Variants in AFF2 observed in about 807,000 individuals in gnomAD.
The protein encoded by AFF2 is ALF transcription elongation factor 2.
AFF2 carries 14 observed loss-of-function variants against 76.9 expected under a neutral mutation model. That is an observed-to-expected ratio of 0.18 (90% CI 0.12 to 0.28). AFF2 has a LOEUF of 0.28. Among genes scored for constraint, AFF2 ranks in the 10% least tolerant of loss-of-function variants. AFF2 has a pLI of 1.00. For missense variants in AFF2, 868 were observed against 1,001.1 expected (o/e 0.87, Z 1.79); for synonymous variants, 398 against 366.7 (o/e 1.09, Z -0.98).
intron 1 of AFF2, among the ~76,000 whole-genome samples, chrX:148,647,146 T>C (rs782684074): frequency 1.8e-5 from 2 of 111,918 alleles, no homozygotes; most frequent in African/African-American, 3.2e-5. Flanking sequence ...CCACAGGAAG[T>C]GAGTGATAGC....
chrX:148,818,907 G>T (rs1168064419), intron 4 of AFF2, among the ~76,000 whole-genome samples: 1 of 110,975 alleles, frequency 9.0e-6, no homozygotes, highest in East Asian at 2.8e-4. Context: ...CCTTAGAGAG[G>T]TTGAAAATTG....
chrX:148,903,060 A>G (rs1157135612), intron 8 of AFF2, among the ~76,000 whole-genome samples: 1 of 110,244 alleles, frequency 9.1e-6, no homozygotes, highest in Non-Finnish European at 1.9e-5. Context: ...TTGCCTCTGT[A>G]TTCTAATTTA....
At chrX:148,655,566 C>T (rs994495253) in intron 2 of AFF2, among the ~76,000 whole-genome samples, 7 of 111,836 alleles carry the variant, frequency 6.3e-5, no homozygotes, top group Admixed American at 9.4e-5. Context: ...TGAGCCACTG[C>T]GCCTGGCCAA....
chrX:148,709,770 A>T (rs1166480450), intron 3 of AFF2, among the ~76,000 whole-genome samples: 1 of 111,728 alleles, frequency 9.0e-6, no homozygotes, highest in African/African-American at 3.3e-5. Flanking sequence ...CAAAGTTTGC[A>T]TGTTCTCTGA....
chrX:148,778,439 C>T lies in AFF2; in HGVS notation c.1042-31437C>T, dbSNP rs376051089. 3.0e-4 allele frequency among the ~76,000 whole-genome samples: 33 copies of T among 111,231 alleles called. No homozygotes were observed. In the East Asian group the frequency reaches 7.9e-3, roughly 27 times the overall value. On this transcript the variant is annotated intron_variant, in intron 3 of 20. Transcript: ENST00000370460. ...TTCAGAAGGAATGGTACCAGCTCCTCTTTGTACCTCTGGTGGAATTGGGCT... is the reference window on the plus strand; with the variant it reads ...TTCAGAAGGAATGGTACCAGCTCCTTTTTGTACCTCTGGTGGAATTGGGCT...
At chrX:148,855,092 T>C (rs897145795) in intron 7 of AFF2, among the ~76,000 whole-genome samples, 1 of 111,531 alleles carries the variant, frequency 9.0e-6, no homozygotes, top group Non-Finnish European at 1.9e-5. Context: ...TATCAAGTAG[T>C]TGGGACTGAG....
chrX:148,830,597 C>T lies in AFF2; in HGVS notation c.1087-7050C>T, dbSNP rs1416042679. On this transcript the variant is annotated intron_variant, in intron 4 of 20. Coordinates refer to ENST00000370460, the MANE Select transcript of AFF2 (RefSeq NM_002025.4). ...TCACATGTCGGCAGGTTCCGTGATG[C>T]CCCCCAAACTGCAAAACCAGCAAGT... Among the ~76,000 whole-genome samples, 7 of 111,455 alleles carry T rather than the reference C, an allele frequency of 6.3e-5. No individual in the cohort carries two copies. In the Admixed American group the frequency reaches 6.7e-4, roughly 11 times the overall value.
chrX:148,693,538 T>C (rs1392948770), intron 3 of AFF2, among the ~76,000 whole-genome samples: 9 of 112,079 alleles, frequency 8.0e-5, no homozygotes, highest in Non-Finnish European at 1.7e-4. Context: ...GCTTATGATT[T>C]CCCATGTCTA....
rs1185500064 is a variant in AFF2, at chrX:148,991,998, T to G, written c.*666T>G. ...TTCCTGATTCCCTATTTTGTTAATTTTAATGATAAGAAGAAAGGGTGACAT... is the reference window on the plus strand; with the variant it reads ...TTCCTGATTCCCTATTTTGTTAATTGTAATGATAAGAAGAAAGGGTGACAT... On this transcript the variant is annotated 3_prime_UTR_variant, in exon 21 of 21. Transcript: ENST00000370460. 1 of 112,316 alleles carries G rather than the reference T, an allele frequency of 8.9e-6. No individual in the cohort carries two copies. 9.3% of individuals were successfully genotyped at this position (112,316 alleles called of 1,213,427 possible). A position where few individuals can be genotyped will look rare whatever the true frequency, so the allele number is the denominator to read the frequency against.
At chrX:148,772,881 T>C (rs1356659487) in intron 3 of AFF2, among the ~76,000 whole-genome samples, 2 of 110,983 alleles carry the variant, frequency 1.8e-5, no homozygotes, top group African/African-American at 6.5e-5. Context: ...AGCATAATCA[T>C]TTTTGTTTAA....
intron 1 of AFF2, among the ~76,000 whole-genome samples, chrX:148,593,808 T>C (rs1488102482): frequency 8.9e-6 from 1 of 111,893 alleles, no homozygotes; most frequent in African/African-American, 3.3e-5. Flanking sequence ...AGTACTGTAG[T>C]TATCTCCATT....
At chrX:148,646,728 A>G (rs1228832621) in intron 1 of AFF2, among the ~76,000 whole-genome samples, 1 of 111,801 alleles carries the variant, frequency 8.9e-6, no homozygotes, top group African/African-American at 3.3e-5. Flanking sequence ...TTTGCTGAAG[A>G]GAGTGGTGGT....
intron 4 of AFF2, among the ~76,000 whole-genome samples, chrX:148,825,579 TTAA>T (rs1230617469): frequency 1.3e-5 from 1 of 77,315 alleles, no homozygotes; most frequent in Non-Finnish European, 2.7e-5. Flanking sequence ...TTTCATGTCT[TTAA>T]TAGAGTAGTT....
intron 1 of AFF2, among the ~76,000 whole-genome samples, chrX:148,626,096 C>T (rs1418033589): frequency 2.7e-5 from 3 of 111,835 alleles, no homozygotes; most frequent in Non-Finnish European, 5.6e-5. Flanking sequence ...ATTGGTGGTG[C>T]CAAGAGAGGC....
rs2055147912 is a variant in AFF2 at position 148,725,723 on chromosome X, A to AT, written c.1041+62961dup. ...TCGAGACATCTGTGATCTCTAATTG[A>AT]TTTTTTCTCCAAAAGACAATTGATT... On this transcript the variant is annotated intron_variant, in intron 3 of 20. Coordinates refer to ENST00000370460, the MANE Select transcript of AFF2 (RefSeq NM_002025.4). 6.3e-5 allele frequency among the ~76,000 whole-genome samples: 7 copies of AT among 111,516 alleles called. No individual in the cohort carries two copies. In the South Asian group the frequency reaches 2.6e-3, roughly 41 times the overall value.
At chrX:148,831,172 C>A (rs1331486473) in intron 4 of AFF2, among the ~76,000 whole-genome samples, 3 of 111,844 alleles carry the variant, frequency 2.7e-5, no homozygotes, top group Non-Finnish European at 3.8e-5. Context: ...TCAAGGTGCC[C>A]AGATTTCATA....
chrX:148,858,184 G>A (rs1309941295), intron 7 of AFF2, among the ~76,000 whole-genome samples: 8 of 111,298 alleles, frequency 7.2e-5, no homozygotes, highest in African/African-American at 2.6e-4. Context: ...GGGTAAAGTG[G>A]ATGAATCATG....
chrX:148,956,139 A>G lies in AFF2; in HGVS notation c.2094A>G (p.Arg698=). 1 of 1,210,915 alleles carries G rather than the reference A, an allele frequency of 8.3e-7. No homozygotes were observed. The change falls in exon 11 of 21, where the codon AGA becomes AGG. Residue 698 remains arginine, a synonymous_variant. Coordinates refer to ENST00000370460, the MANE Select transcript of AFF2 (RefSeq NM_002025.4). ...TGGCTCCCGAGAAGAAGAAGTACAG[A>G]GGGCCTGGCAAGATTGTGCCAAAGT... ...IPLAPEKKKY[R]GPGKIVPKSR... is the part of the protein sequence containing the mutation.
chrX:148,965,465 G>C (rs1224462737), intron 13 of AFF2, among the ~76,000 whole-genome samples: 2 of 111,476 alleles, frequency 1.8e-5, no homozygotes, highest in Non-Finnish European at 3.8e-5. Context: ...AGGAAAGGTG[G>C]GGAGTCTCTA....
Sources: allele counts gnomAD v4.1 joint callset (sites outside exome capture counted in the v4.1 genomes callset), GRCh38; gene constraint gnomAD v4.1.1; transcripts MANE v1.5; gene names NCBI Gene and HGNC (gene_info 2026-07-23, HGNC 2026-07-21).